The following CAPN3 variants were observed in gnomAD, a reference collection of about 807,000 sequenced individuals.
The protein encoded by CAPN3 is calpain-3.
Under a neutral mutation model 114.0 loss-of-function variants are expected in CAPN3, and 88 were observed. That is an observed-to-expected ratio of 0.77 (90% confidence interval 0.65 to 0.92). The LOEUF is 0.92. Ranked by LOEUF, CAPN3 falls within the 40% of genes least tolerant of loss-of-function variation. The pLI is 0.00. For missense variants in CAPN3, 1,028 were observed against 1,069.0 expected (o/e 0.96, Z 0.53); for synonymous variants, 386 against 382.9 (o/e 1.01, Z -0.09).
At position 42,401,770 on chromosome 15, in the gene CAPN3, T is replaced by C. The variant is rs886043921; in HGVS notation, c.1484T>C (p.Leu495Pro). Residue 495 changes from leucine (L) to proline (P), a missense_variant, in exon 11 of 24, where the codon CTA becomes CCA. Leu to Pro is a moderately conservative substitution (Grantham distance 98). Coordinates refer to ENST00000397163, the MANE Select transcript of CAPN3 (RefSeq NM_000070.3). ...AAGAACCGGCGGAAGGACCGGAAGC[T>C]AGGGGCCAGTCTCTTCACCATTGGC... ...MQKNRRKDRK[L>P]GASLFTIGFA... 4.3e-6 allele frequency: 7 copies of C among 1,613,978 alleles called. No individual in the cohort carries two copies. The highest frequency in any genetic ancestry group is 5.9e-6 in the Non-Finnish European group (7 of 1,179,962).
chr15:42,388,911 T>C lies in CAPN3; in HGVS notation c.633-17T>C. On this transcript the variant is annotated splice_polypyrimidine_tract_variant and intron_variant, in intron 4 of 23. Coordinates refer to ENST00000397163, the MANE Select transcript of CAPN3 (RefSeq NM_000070.3). ...GGAACTCTGTGACCCCAAATTGGTC[T>C]TCATCCTCTCTCTAAGGCTCCATGG... The C allele has an allele frequency of 6.2e-7, 1 of 1,613,488 alleles. No individual in the cohort carries two copies. The highest frequency in any genetic ancestry group is 8.5e-7 in the Non-Finnish European group (1 of 1,179,912).
intron 6 of CAPN3, among the ~76,000 whole-genome samples, chr15:42,391,633 C>T (rs998936572): frequency 6.6e-6 from 1 of 152,176 alleles, no homozygotes; most frequent in South Asian, 2.1e-4. Context: ...CACATGGAAG[C>T]CATAGAGAGC....
At chr15:42,398,807 CAG>C (rs1332094351) in intron 9 of CAPN3, among the ~76,000 whole-genome samples, 15 of 98,324 alleles carry the variant, frequency 1.5e-4, no homozygotes, top group African/African-American at 2.5e-4. Context: ...TTTTTTGAGA[CAG>C]AGTCTCACTT....
At chr15:42,369,803 GAGAGGAC>G (rs2052890909) in intron 1 of CAPN3, among the ~76,000 whole-genome samples, 1 of 151,840 alleles carries the variant, frequency 6.6e-6, no homozygotes, top group Non-Finnish European at 1.5e-5. Context: ...GCATAAGATT[GAGAGGAC>G]AGATGGCCAC....
chr15:42,374,794 CTTTTTTTTTTTTTT>C (rs66487749), intron 1 of CAPN3, among the ~76,000 whole-genome samples: 1 of 85,400 alleles, frequency 1.2e-5, no homozygotes, highest in Non-Finnish European at 2.1e-5. Flanking sequence ...TATCATGTCT[CTTTTTTTTTTTTTT>C]TTTTTTTTTT....
In CAPN3 at chr15:42,412,264, T is replaced by G. The variant is rs1158735613; in HGVS notation, c.*491T>G. On this transcript the variant is annotated 3_prime_UTR_variant, in exon 24 of 24. Transcript: ENST00000397163. ...ACTTTGGGCTGTCCAACTCATAAGT[T>G]TGGCTGCATTTTGAAAAAAGCTGAT... 1 of 1,359,860 alleles carries G rather than the reference T, an allele frequency of 7.4e-7. No individual in the cohort carries two copies. Among genetic ancestry groups the G allele is most frequent in the South Asian group, 1.3e-5 (1 of 77,654 alleles). 84.2% of individuals were successfully genotyped at this position (1,359,860 alleles called of 1,614,324 possible).
At chr15:42,399,786 A>C in intron 10 of CAPN3, 134 bp downstream of exon 10, 1 of 796,234 alleles carries the variant, frequency 1.3e-6, no homozygotes. Flanking sequence ...TTTACTGAGA[A>C]GGAAACCACC....
chr15:42,394,447 A>T, intron 8 of CAPN3, 106 bp downstream of exon 8: 4 of 906,884 alleles, frequency 4.4e-6, no homozygotes, highest in Non-Finnish European at 7.1e-6. Flanking sequence ...TTGGTATAAA[A>T]TCACCCTCAA....
At chr15:42,389,552 A>G (rs2053496418) in intron 5 of CAPN3, among the ~76,000 whole-genome samples, 1 of 152,224 alleles carries the variant, frequency 6.6e-6, no homozygotes. Flanking sequence ...TTCAGTGCAA[A>G]GAAATGCTGT....
Position 42,404,648 on chromosome 15 carries a change from G to A in CAPN3, c.1782+871G>A, listed in dbSNP as rs1269997016. ...TGTGTGTTGGGCTCTGTGTGTTGAG[G>A]AGTCTTGTGACTGCCTTGGGGCTTT... On this transcript the variant is annotated intron_variant, in intron 14 of 23. Coordinates refer to ENST00000397163, the MANE Select transcript of CAPN3 (RefSeq NM_000070.3). 4 of 1,162,434 alleles carry A rather than the reference G, an allele frequency of 3.4e-6. No homozygotes were observed. The East Asian group carries it at 1.8e-4, about 51-fold the overall frequency. 72.0% of individuals were successfully genotyped at this position (1,162,434 alleles called of 1,614,324 possible). A position where few individuals can be genotyped will look rare whatever the true frequency, so the allele number is the denominator to read the frequency against.
At chr15:42,411,130 ATG>A (rs2054211828) in intron 22 of CAPN3, 130 bp downstream of exon 22, 25 of 1,015,016 alleles carry the variant, frequency 2.5e-5, no homozygotes, top group Admixed American at 2.4e-4. Flanking sequence ...TAGGCCCAGA[ATG>A]GGATGGCAAA....
At chr15:42,410,022 C>T (rs374530969) in intron 19 of CAPN3, 27 bp downstream of exon 19, 7 of 1,607,806 alleles carry the variant, frequency 4.4e-6, no homozygotes, top group African/African-American at 2.7e-5. Flanking sequence ...CCCTTCCCGA[C>T]CCTCTGTCAT....
rs1321136751 is a variant in CAPN3 at position 42,405,940 on chromosome 15, C to G, written c.1797C>G (p.Thr599=). The G allele has an allele frequency of 5.0e-6, 8 of 1,612,026 alleles. No homozygotes were observed. The highest frequency in any genetic ancestry group is 6.8e-6 in the Non-Finnish European group (8 of 1,178,156). The change falls in exon 15 of 24, where the codon ACC becomes ACG. Residue 599 remains threonine (T), a synonymous_variant. Coordinates refer to ENST00000397163, the MANE Select transcript of CAPN3 (RefSeq NM_000070.3). ...TTCTTATGCAGAAAAAGAAAAAAACCAAGGTAGGTGTGTGGGTAGAGAGCA... is the reference window on the plus strand; with the variant it reads ...TTCTTATGCAGAAAAAGAAAAAAACGAAGGTAGGTGTGTGGGTAGAGAGCA... ...SVDRPVKKKK[T]KPIIFVSDRA...
chr15:42,393,270 T>C (rs991964806), intron 7 of CAPN3, among the ~76,000 whole-genome samples: 5 of 151,950 alleles, frequency 3.3e-5, no homozygotes, highest in African/African-American at 1.2e-4. Flanking sequence ...CTGCATTGGG[T>C]TTTTTTGGTA....
intron 1 of CAPN3, among the ~76,000 whole-genome samples, chr15:42,377,045 T>C (rs914614097): frequency 1.3e-5 from 2 of 152,244 alleles, no homozygotes; most frequent in African/African-American, 4.8e-5. Context: ...TACTCACTTA[T>C]TAGTTCCCAG....
chr15:42,398,712 C>T (rs2053778726), intron 9 of CAPN3, among the ~76,000 whole-genome samples: 1 of 148,966 alleles, frequency 6.7e-6, no homozygotes, highest in Non-Finnish European at 1.5e-5. Flanking sequence ...TGTATATATA[C>T]ACACACACAC....
intron 1 of CAPN3, among the ~76,000 whole-genome samples, chr15:42,363,003 A>G (rs1413921294): frequency 6.6e-6 from 1 of 152,224 alleles, no homozygotes; most frequent in Non-Finnish European, 1.5e-5. Context: ...ATTATTTATT[A>G]TAATTACAGT....
intron 1 of CAPN3, among the ~76,000 whole-genome samples, chr15:42,368,460 G>A (rs1012869158): frequency 3.3e-5 from 5 of 152,190 alleles, no homozygotes; most frequent in African/African-American, 1.2e-4. Flanking sequence ...TCAGTTGGCT[G>A]TGAGTTCAAT....
chr15:42,366,423 G>A (rs1181044437), intron 1 of CAPN3, among the ~76,000 whole-genome samples: 1 of 152,088 alleles, frequency 6.6e-6, no homozygotes, highest in Non-Finnish European at 1.5e-5. Flanking sequence ...TGCCAGGGCT[G>A]TTACACCAGG....
Sources: gnomAD v4.1 joint callset for allele counts (sites outside exome capture counted in the v4.1 genomes callset) on GRCh38, gnomAD v4.1.1 for gene constraint, MANE v1.5 for transcripts, NCBI Gene and HGNC (gene_info 2026-07-23, HGNC 2026-07-21) for gene names.